RPEL1: variants seen among roughly 807,000 people sequenced by gnomAD.
RPEL1 encodes ribulose-5-phosphate-3-epimerase like 1.
A neutral mutation model predicts 12.8 loss-of-function variants in RPEL1; 7 were observed. The observed-to-expected ratio is 0.55, with a 90% confidence interval of 0.31 to 1.03. The LOEUF is 1.03. RPEL1 is among the 50% of genes least tolerant of loss of function. The pLI is 0.05. For missense variants in RPEL1, 237 were observed against 289.4 expected (o/e 0.82, Z 1.31); for synonymous variants, 91 against 102.0 (o/e 0.89, Z 0.65).
rs760743545 is a variant in RPEL1, at chr10:103,246,064, G to A, written c.68G>A (p.Cys23Tyr). ...NSDLANLGAK[C>Y]LQMLDSGADY... ...GACCTGGCCAATTTAGGGGCCAAGT[G>A]CCTCCAGATGCTAGACTCTGGGGCC... The change falls in exon 1 of 1, where the codon TGC becomes TAC. Residue 23 changes from cysteine to tyrosine, a missense_variant. Physicochemically the swap from Cys to Tyr is radical, Grantham distance 194 (BLOSUM62 -2). Transcript: ENST00000441178. The A allele has an allele frequency of 7.4e-6, 12 of 1,614,234 alleles. No homozygotes were observed. Among genetic ancestry groups the A allele is most frequent in the Non-Finnish European group, 1.0e-5 (12 of 1,180,048 alleles).
rs1224204007 is a variant in RPEL1 at position 103,245,979 on chromosome 10, T to C, written c.-18T>C. 3 of 1,610,774 alleles carry C rather than the reference T, an allele frequency of 1.9e-6. No homozygotes were observed. In the South Asian group the frequency reaches 3.3e-5, roughly 18 times the overall value. ...TGCCGGGGACTCGTGGGGTAACTTG[T>C]TCTTGGGAGCCAGCGGTATGGCGTC... On this transcript the variant is annotated 5_prime_UTR_variant, in exon 1 of 1. Transcript: ENST00000441178.
rs1592032558 is a variant in RPEL1, at chr10:103,246,791, G to A, written c.*108G>A. The A allele has an allele frequency of 7.3e-7, 1 of 1,369,134 alleles. No homozygotes were observed. Among genetic ancestry groups the A allele is most frequent in the Non-Finnish European group, 9.9e-7 (1 of 1,011,410 alleles). The allele number at this position is 1,369,134 out of a possible 1,614,324, so 84.8% of individuals were successfully genotyped here. A position where few individuals can be genotyped will look rare whatever the true frequency, so the allele number is the denominator to read the frequency against. On this transcript the variant is annotated 3_prime_UTR_variant, in exon 1 of 1. Transcript: ENST00000441178. ...AATTGAAGCTGTACTGCTTTTTTGAGCAGTTATTCATTCCAGTGATTAAAA... is the reference window on the plus strand; with the variant it reads ...AATTGAAGCTGTACTGCTTTTTTGAACAGTTATTCATTCCAGTGATTAAAA...
At position 103,246,190 on chromosome 10, in the gene RPEL1, C is replaced by A; in HGVS notation, c.194C>A (p.Pro65His). 6.2e-7 allele frequency: 1 copy of A among 1,614,192 alleles called. No homozygotes were observed. Among genetic ancestry groups the A allele is most frequent in the Non-Finnish European group, 8.5e-7 (1 of 1,180,046 alleles). The part of the protein sequence containing the change: ...ESLRKQLGQD[P>H]FFDMHMMVSK... ...CTTCGAAAGCAGCTAGGCCAGGACC[C>A]TTTCTTTGACATGCACATGATGGTG... The change falls in exon 1 of 1, where the codon CCT (proline) becomes CAT (histidine). Residue 65 changes from proline to histidine, a missense_variant. Pro to His is a moderately conservative substitution (Grantham distance 77). Transcript: ENST00000441178.
In RPEL1 at chr10:103,245,980, T is replaced by C; in HGVS notation, c.-17T>C. The C allele has an allele frequency of 6.2e-7, 1 of 1,611,328 alleles. No homozygotes were observed. Among genetic ancestry groups the C allele is most frequent in the South Asian group, 1.1e-5 (1 of 91,024 alleles). On this transcript the variant is annotated 5_prime_UTR_variant, in exon 1 of 1. Transcript: ENST00000441178. The stretch of plus-strand genomic sequence containing the variant: ...GCCGGGGACTCGTGGGGTAACTTGT[T>C]CTTGGGAGCCAGCGGTATGGCGTCG...
chr10:103,245,959 G>T lies in RPEL1; in HGVS notation c.-38G>T. On this transcript the variant is annotated 5_prime_UTR_variant, in exon 1 of 1. Coordinates refer to ENST00000441178, the MANE Select transcript of RPEL1 (RefSeq NM_001143909.1). ...AAAAAAGTGGGCTCTAGTCTTGCCGGGGACTCGTGGGGTAACTTGTTCTTG... is the reference window on the plus strand; with the variant it reads ...AAAAAAGTGGGCTCTAGTCTTGCCGTGGACTCGTGGGGTAACTTGTTCTTG... The T allele has an allele frequency of 6.2e-7, 1 of 1,604,344 alleles. No individual in the cohort carries two copies. The highest frequency in any genetic ancestry group is 1.3e-5 in the African/African-American group (1 of 74,550).
In RPEL1 at chr10:103,246,438, G is replaced by A; in HGVS notation, c.442G>A (p.Gly148Arg). The change falls in exon 1 of 1, where the codon GGA becomes AGA. Residue 148 changes from glycine (G) to arginine (R), a missense_variant. Transcript: ENST00000441178. ...GGTTATGACAGTGGAACCGGGGTTT[G>A]GAGAGCAGAAATTCATGGAAGATAT... is the stretch of plus-strand genomic sequence containing the variant. Reference protein sequence around the residue: ...ALVMTVEPGFGEQKFMEDMMP... With the variant: ...ALVMTVEPGFREQKFMEDMMP... The A allele has an allele frequency of 6.2e-7, 1 of 1,614,224 alleles. No homozygotes were observed. Among genetic ancestry groups the A allele is most frequent in the Non-Finnish European group, 8.5e-7 (1 of 1,180,038 alleles).
rs1445913141 is a variant in RPEL1 at position 103,247,433 on chromosome 10, A to C, written c.*750A>C. The C allele has an allele frequency of 6.0e-6, 1 of 166,982 alleles. No individual in the cohort carries two copies. The highest frequency in any genetic ancestry group is 1.9e-4 in the East Asian group (1 of 5,208). The allele number at this position is 166,982 out of a possible 1,614,324, so 10.3% of individuals were successfully genotyped here. ...ACTGCCCTTTTCTAGCTGGACCTTT[A>C]ACAAATCACCCAGTCTTTTTTGTGT... On this transcript the variant is annotated 3_prime_UTR_variant, in exon 1 of 1. Coordinates refer to ENST00000441178, the MANE Select transcript of RPEL1 (RefSeq NM_001143909.1).
At position 103,247,346 on chromosome 10, in the gene RPEL1, G is replaced by A. The variant is rs978066097; in HGVS notation, c.*663G>A. 13 of 167,318 alleles carry A rather than the reference G, an allele frequency of 7.8e-5. No individual in the cohort carries two copies. Among genetic ancestry groups the A allele is most frequent in the African/African-American group, 1.4e-4 (6 of 41,444 alleles). The allele number at this position is 167,318 out of a possible 1,614,324, so 10.4% of individuals were successfully genotyped here. A position where few individuals can be genotyped will look rare whatever the true frequency, so the allele number is the denominator to read the frequency against. Reference sequence around the variant, plus strand: ...GACGTTAAATAATGCTGTTGTGTTAGCTCTGAGTAGAAAGGAAAAAGTAAA... The same window carrying A: ...GACGTTAAATAATGCTGTTGTGTTAACTCTGAGTAGAAAGGAAAAAGTAAA... On this transcript the variant is annotated 3_prime_UTR_variant, in exon 1 of 1. Coordinates refer to ENST00000441178, the MANE Select transcript of RPEL1 (RefSeq NM_001143909.1).
chr10:103,246,035 C>T lies in RPEL1; in HGVS notation c.39C>T (p.Asn13=). The T allele has an allele frequency of 1.2e-6, 2 of 1,614,164 alleles. No homozygotes were observed. Among genetic ancestry groups the T allele is most frequent in the Non-Finnish European group, 1.7e-6 (2 of 1,180,038 alleles). Residue 13 remains asparagine, a synonymous_variant, in exon 1 of 1, where the codon AAC becomes AAT. Transcript: ENST00000441178. Reference sequence around the variant, plus strand: ...GCAAGATTGGCCCGTCCATCCTCAACAGCGACCTGGCCAATTTAGGGGCCA... The same window carrying T: ...GCAAGATTGGCCCGTCCATCCTCAATAGCGACCTGGCCAATTTAGGGGCCA... ...SGCKIGPSIL[N]SDLANLGAKC...
chr10:103,246,546 C>G lies in RPEL1; in HGVS notation c.550C>G (p.His184Asp), dbSNP rs773675805. 1.2e-6 allele frequency: 2 copies of G among 1,614,158 alleles called. No individual in the cohort carries two copies. Among genetic ancestry groups the G allele is most frequent in the Non-Finnish European group, 1.7e-6 (2 of 1,180,026 alleles). The change falls in exon 1 of 1, where the codon CAT (histidine) becomes GAT (aspartate). Residue 184 changes from histidine (H) to aspartate (D), a missense_variant. By Grantham distance (81) the His-to-Asp change is moderately conservative. Transcript: ENST00000441178. Reference protein sequence around the residue: ...GDGGVGSDTVHKCAEAGANMT... With the variant: ...GDGGVGSDTVDKCAEAGANMT... ...TGGTGGAGTAGGTTCTGACACTGTC[C>G]ATAAGTGTGCAGAGGCAGGAGCTAA...
In RPEL1 at chr10:103,245,968, G is replaced by A; in HGVS notation, c.-29G>A. On this transcript the variant is annotated 5_prime_UTR_variant, in exon 1 of 1. Transcript: ENST00000441178. ...GGCTCTAGTCTTGCCGGGGACTCGT[G>A]GGGTAACTTGTTCTTGGGAGCCAGC... 1.2e-6 allele frequency: 2 copies of A among 1,608,810 alleles called. No homozygotes were observed. Among genetic ancestry groups the A allele is most frequent in the Non-Finnish European group, 1.7e-6 (2 of 1,176,878 alleles).
chr10:103,246,692 G>A lies in RPEL1; in HGVS notation c.*9G>A, dbSNP rs760488575. The A allele has an allele frequency of 6.2e-7, 1 of 1,607,074 alleles. No homozygotes were observed. Among genetic ancestry groups the A allele is most frequent in the Admixed American group, 1.7e-5 (1 of 58,754 alleles). On this transcript the variant is annotated 3_prime_UTR_variant, in exon 1 of 1. Transcript: ENST00000441178. ...GTTCTCTTGATCGATGAAACCATAA[G>A]GAGCCCAATGTTTCTGTTCATGAAA...
In RPEL1 at chr10:103,246,911, T is replaced by C; in HGVS notation, c.*228T>C. ...AATGATTAGTGAGTAAGATACTGTT[T>C]TTATTGAGAGACTTGATTTTTATAA... On this transcript the variant is annotated 3_prime_UTR_variant, in exon 1 of 1. Coordinates refer to ENST00000441178, the MANE Select transcript of RPEL1 (RefSeq NM_001143909.1). The C allele has an allele frequency of 1.7e-6, 1 of 600,574 alleles. No homozygotes were observed. The highest frequency in any genetic ancestry group is 2.3e-5 in the South Asian group (1 of 43,126). 37.2% of individuals were successfully genotyped at this position (600,574 alleles called of 1,614,324 possible). A position where few individuals can be genotyped will look rare whatever the true frequency, so the allele number is the denominator to read the frequency against.
chr10:103,246,434 G>A lies in RPEL1; in HGVS notation c.438G>A (p.Gly146=). ...DMALVMTVEP[G]FGEQKFMEDM... is the part of the protein sequence containing the mutation. ...CCTTGGTTATGACAGTGGAACCGGGGTTTGGAGAGCAGAAATTCATGGAAG... is the reference window on the plus strand; with the variant it reads ...CCTTGGTTATGACAGTGGAACCGGGATTTGGAGAGCAGAAATTCATGGAAG... Residue 146 remains glycine, a synonymous_variant, in exon 1 of 1, where the codon GGG becomes GGA. Transcript: ENST00000441178. 1.2e-6 allele frequency: 2 copies of A among 1,614,234 alleles called. No individual in the cohort carries two copies. The highest frequency in any genetic ancestry group is 1.7e-6 in the Non-Finnish European group (2 of 1,180,046).
rs1457129738 is a variant in RPEL1, at chr10:103,247,607, G to A, written c.*924G>A. On this transcript the variant is annotated 3_prime_UTR_variant, in exon 1 of 1. Transcript: ENST00000441178. ...ATACAAAGTAGATAGCATTATATAA[G>A]TTTATATTTTTGTGAGTTATAAAGT... 2 of 166,430 alleles carry A rather than the reference G, an allele frequency of 1.2e-5. No homozygotes were observed. The highest frequency in any genetic ancestry group is 3.9e-4 in the East Asian group (2 of 5,174). The allele number at this position is 166,430 out of a possible 1,614,324, so 10.3% of individuals were successfully genotyped here.
chr10:103,245,912 G>T lies in RPEL1; in HGVS notation c.-85G>T. The stretch of plus-strand genomic sequence containing the variant: ...CTGGCCAAACTGTGGTTCTTTGGTA[G>T]AATTTCCTGGTTTTAAAAAAAAAAA... On this transcript the variant is annotated 5_prime_UTR_variant, in exon 1 of 1. Transcript: ENST00000441178. The T allele has an allele frequency of 6.6e-7, 1 of 1,504,910 alleles. No individual in the cohort carries two copies. Among genetic ancestry groups the T allele is most frequent in the Non-Finnish European group, 8.8e-7 (1 of 1,135,820 alleles). 93.2% of individuals were successfully genotyped at this position (1,504,910 alleles called of 1,614,324 possible).
In RPEL1 at chr10:103,246,776, G is replaced by A. The variant is rs1303069070; in HGVS notation, c.*93G>A. ...ACCAAATCATCATGAAATTGAAGCT[G>A]TACTGCTTTTTTGAGCAGTTATTCA... On this transcript the variant is annotated 3_prime_UTR_variant, in exon 1 of 1. Transcript: ENST00000441178. 2.1e-6 allele frequency: 3 copies of A among 1,444,262 alleles called. No homozygotes were observed. Among genetic ancestry groups the A allele is most frequent in the Admixed American group, 2.3e-5 (1 of 43,682 alleles). 89.5% of individuals were successfully genotyped at this position (1,444,262 alleles called of 1,614,324 possible). A position where few individuals can be genotyped will look rare whatever the true frequency, so the allele number is the denominator to read the frequency against.
Position 103,247,368 on chromosome 10 carries a change from TA to T in RPEL1, c.*690del, listed in dbSNP as rs1472739038. The T allele has an allele frequency of 6.0e-6, 1 of 167,112 alleles. No individual in the cohort carries two copies. The highest frequency in any genetic ancestry group is 6.5e-5 in the Admixed American group (1 of 15,278). The allele number at this position is 167,112 out of a possible 1,614,324, so 10.4% of individuals were successfully genotyped here. The stretch of plus-strand genomic sequence containing the variant: ...TTAGCTCTGAGTAGAAAGGAAAAAG[TA>T]AAAACCTCTGTATGGAAGTAATATT... On this transcript the variant is annotated 3_prime_UTR_variant, in exon 1 of 1. Transcript: ENST00000441178.
rs1409552160 is a variant in RPEL1, at chr10:103,247,355, A to G, written c.*672A>G. On this transcript the variant is annotated 3_prime_UTR_variant, in exon 1 of 1. Transcript: ENST00000441178. Reference sequence around the variant, plus strand: ...TAATGCTGTTGTGTTAGCTCTGAGTAGAAAGGAAAAAGTAAAAACCTCTGT... The same window carrying G: ...TAATGCTGTTGTGTTAGCTCTGAGTGGAAAGGAAAAAGTAAAAACCTCTGT... 1.2e-5 allele frequency: 2 copies of G among 167,164 alleles called. No homozygotes were observed. Among genetic ancestry groups the G allele is most frequent in the African/African-American group, 4.8e-5 (2 of 41,458 alleles). 10.4% of individuals were successfully genotyped at this position (167,164 alleles called of 1,614,324 possible).
Sources: gnomAD v4.1 joint callset for allele counts on GRCh38, gnomAD v4.1.1 for gene constraint, MANE v1.5 for transcripts, NCBI Gene and HGNC (gene_info 2026-07-23, HGNC 2026-07-21) for gene names.